H1-2: variants seen among roughly 807,000 people sequenced by gnomAD.
H1-2 encodes H1.2 linker histone, cluster member, also known as histone H1.2.
A neutral mutation model predicts 7.2 loss-of-function variants in H1-2; 7 were observed. That is an observed-to-expected ratio of 0.97 (90% confidence interval 0.55 to 1.82). The LOEUF is 1.82. H1-2 is among the 40% of genes most tolerant of loss of function. The probability of loss-of-function intolerance (pLI) is 0.00; values close to 1 mark genes in which losing one functional copy is unlikely to be tolerated. For missense variants in H1-2, 703 were observed against 276.6 expected, an observed-to-expected ratio of 2.54 and a Z score of -10.94; for synonymous variants, 300 against 118.2, an observed-to-expected ratio of 2.54 and a Z score of -9.98.
chr6:26,056,271 T>G lies in H1-2; in HGVS notation c.158A>C (p.Glu53Ala). 2 of 1,614,188 alleles carry G rather than the reference T, an allele frequency of 1.2e-6. No homozygotes were observed. Among genetic ancestry groups the G allele is most frequent in the Non-Finnish European group, 1.7e-6 (2 of 1,180,040 alleles). ...AGCAGCCAGAGAAACTCCGCTACGC[T>G]CTTTAGAGGCGGCCACAGCCTTGGT... is the stretch of plus-strand genomic sequence containing the variant. Reference protein sequence around the residue: ...LITKAVAASKERSGVSLAALK... With the variant: ...LITKAVAASKARSGVSLAALK... Residue 53 changes from glutamate (E) to alanine (A), a missense_variant, in exon 1 of 1, where the codon GAG becomes GCG. By Grantham distance (107) the Glu-to-Ala change is moderately radical. Transcript: ENST00000343677.
rs150843466 is a variant in H1-2 at position 26,056,021 on chromosome 6, C to A, written c.408G>T (p.Lys136Asn). The A allele has an allele frequency of 1.2e-6, 2 of 1,614,112 alleles. No individual in the cohort carries two copies. Among genetic ancestry groups the A allele is most frequent in the South Asian group, 1.1e-5 (1 of 91,070 alleles). The change falls in exon 1 of 1, where the codon AAG becomes AAT. Residue 136 changes from lysine to asparagine, a missense_variant. Physicochemically the swap from Lys to Asn is moderately conservative, Grantham distance 94 (BLOSUM62 0). Coordinates refer to ENST00000343677, the MANE Select transcript of H1-2 (RefSeq NM_005319.4). ...CGCCGCCAGCCGCCTTCTTGGGCTT[C>A]TTGGCTGCCCCAACTGGCTTCTTAG... ...TKPKKPVGAAKKPKKAAGGAT... is the reference protein window; with the variant it reads ...TKPKKPVGAANKPKKAAGGAT...
chr6:26,056,250 G>C lies in H1-2; in HGVS notation c.179C>G (p.Ala60Gly). The C allele has an allele frequency of 6.2e-7, 1 of 1,614,234 alleles. No individual in the cohort carries two copies. Among genetic ancestry groups the C allele is most frequent in the Non-Finnish European group, 8.5e-7 (1 of 1,180,032 alleles). The change falls in exon 1 of 1, where the codon GCT (alanine) becomes GGT (glycine). Residue 60 changes from alanine (A) to glycine (G), a missense_variant. Physicochemically the swap from Ala to Gly is moderately conservative, Grantham distance 60 (BLOSUM62 0). Coordinates refer to ENST00000343677, the MANE Select transcript of H1-2 (RefSeq NM_005319.4). ...ASKERSGVSL[A>G]ALKKALAAAG... Reference sequence around the variant, plus strand: ...GGCAGCCAACGCTTTTTTCAGAGCAGCCAGAGAAACTCCGCTACGCTCTTT... The same window carrying C: ...GGCAGCCAACGCTTTTTTCAGAGCACCCAGAGAAACTCCGCTACGCTCTTT...
rs753834202 is a variant in H1-2, at chr6:26,056,442, A to T, written c.-14T>A. 2 of 1,556,714 alleles carry T rather than the reference A, an allele frequency of 1.3e-6. No homozygotes were observed. The highest frequency in any genetic ancestry group is 1.2e-5 in the South Asian group (1 of 82,270). On this transcript the variant is annotated 5_prime_UTR_variant, in exon 1 of 1. Coordinates refer to ENST00000343677, the MANE Select transcript of H1-2 (RefSeq NM_005319.4). The stretch of plus-strand genomic sequence containing the variant: ...AGTCTCGGACATGTTGAGAATCAAA[A>T]ACTCGGGTACAAGTGGCAAAGCGCC...
In H1-2 at chr6:26,056,108, G is replaced by T. The variant is rs1485393333; in HGVS notation, c.321C>A (p.Leu107=). The T allele has an allele frequency of 6.2e-7, 1 of 1,614,216 alleles. No individual in the cohort carries two copies. The highest frequency in any genetic ancestry group is 1.7e-5 in the Admixed American group (1 of 60,024). Residue 107 remains leucine (L), a synonymous_variant, in exon 1 of 1, where the codon CTC becomes CTA. Coordinates refer to ENST00000343677, the MANE Select transcript of H1-2 (RefSeq NM_005319.4). The part of the protein sequence containing the change: ...KGTGASGSFK[L]NKKAASGEAK... ...CTTCCCCGGAGGCTGCCTTCTTGTT[G>T]AGTTTAAAGGAGCCAGAAGCACCGG...
In H1-2 at chr6:26,056,112, T is replaced by A. The variant is rs751325528; in HGVS notation, c.317A>T (p.Lys106Ile). 4.3e-6 allele frequency: 7 copies of A among 1,614,086 alleles called. No homozygotes were observed. Among genetic ancestry groups the A allele is most frequent in the Non-Finnish European group, 5.9e-6 (7 of 1,180,038 alleles). Reference sequence around the variant, plus strand: ...CCCGGAGGCTGCCTTCTTGTTGAGTTTAAAGGAGCCAGAAGCACCGGTGCC... The same window carrying A: ...CCCGGAGGCTGCCTTCTTGTTGAGTATAAAGGAGCCAGAAGCACCGGTGCC... ...TKGTGASGSF[K>I]LNKKAASGEA... is the part of the protein sequence containing the mutation. Residue 106 changes from lysine to isoleucine, a missense_variant, in exon 1 of 1, where the codon AAA becomes ATA. Transcript: ENST00000343677.
rs1374161310 is a variant in H1-2, at chr6:26,056,090, G to A, written c.339C>T (p.Ser113=). The A allele has an allele frequency of 3.1e-6, 5 of 1,614,146 alleles. No individual in the cohort carries two copies. The highest frequency in any genetic ancestry group is 2.2e-5 in the East Asian group (1 of 44,872). ...GSFKLNKKAA[S]GEAKPKVKKA... is the part of the protein sequence containing the mutation. ...TTTTAACCTTGGGCTTGGCTTCCCC[G>A]GAGGCTGCCTTCTTGTTGAGTTTAA... Residue 113 remains serine (S), a synonymous_variant, in exon 1 of 1, where the codon TCC becomes TCT. Transcript: ENST00000343677.
rs768437812 is a variant in H1-2, at chr6:26,055,914, T to G, written c.515A>C (p.Lys172Thr). The change falls in exon 1 of 1, where the codon AAG becomes ACG. Residue 172 changes from lysine (K) to threonine (T), a missense_variant. Coordinates refer to ENST00000343677, the MANE Select transcript of H1-2 (RefSeq NM_005319.4). ...AAATVTKKVA[K>T]SPKKAKVAKP... is the part of the protein sequence containing the mutation. ...CGCAACCTTGGCCTTCTTTGGGCTCTTAGCCACTTTCTTGGTTACAGTGGC... is the reference window on the plus strand; with the variant it reads ...CGCAACCTTGGCCTTCTTTGGGCTCGTAGCCACTTTCTTGGTTACAGTGGC... The G allele has an allele frequency of 3.7e-5, 60 of 1,614,102 alleles. No homozygotes were observed. The highest frequency in any genetic ancestry group is 5.1e-5 in the Non-Finnish European group (60 of 1,180,046).
Position 26,056,046 on chromosome 6 carries a change from G to T in H1-2, c.383C>A (p.Pro128His), listed in dbSNP as rs765547166. The change falls in exon 1 of 1, where the codon CCT becomes CAT. Residue 128 changes from proline to histidine, a missense_variant. Transcript: ENST00000343677. ...CTTGGCTGCCCCAACTGGCTTCTTA[G>T]GTTTGGTTCCGCCCGCCTTTTTAAC... ...PKVKKAGGTK[P>H]KKPVGAAKKP... The T allele has an allele frequency of 1.2e-6, 2 of 1,614,148 alleles. No homozygotes were observed. Among genetic ancestry groups the T allele is most frequent in the South Asian group, 1.1e-5 (1 of 91,086 alleles).
At position 26,056,449 on chromosome 6, in the gene H1-2, G is replaced by A. The variant is rs534374342; in HGVS notation, c.-21C>T. 150 of 1,548,680 alleles carry A rather than the reference G, an allele frequency of 9.7e-5. 1 individual carries two copies. In the South Asian group the frequency reaches 1.1e-3, roughly 11 times the overall value. On this transcript the variant is annotated 5_prime_UTR_variant, in exon 1 of 1. Coordinates refer to ENST00000343677, the MANE Select transcript of H1-2 (RefSeq NM_005319.4). ...GACATGTTGAGAATCAAAAACTCGG[G>A]TACAAGTGGCAAAGCGCCGATGAAG...
chr6:26,056,127 G>A lies in H1-2; in HGVS notation c.302C>T (p.Ala101Val), dbSNP rs749726390. 1.1e-5 allele frequency: 17 copies of A among 1,614,230 alleles called. No individual in the cohort carries two copies. Among genetic ancestry groups the A allele is most frequent in the African/African-American group, 5.3e-5 (4 of 75,070 alleles). The change falls in exon 1 of 1, where the codon GCT becomes GTT. Residue 101 changes from alanine (A) to valine (V), a missense_variant. Coordinates refer to ENST00000343677, the MANE Select transcript of H1-2 (RefSeq NM_005319.4). ...GTLVQTKGTGASGSFKLNKKA... is the reference protein window; with the variant it reads ...GTLVQTKGTGVSGSFKLNKKA... ...CTTGTTGAGTTTAAAGGAGCCAGAA[G>A]CACCGGTGCCTTTCGTTTGCACCAG...
Position 26,055,938 on chromosome 6 carries a change from G to A in H1-2, c.491C>T (p.Ala164Val), listed in dbSNP as rs1439122427. Residue 164 changes from alanine to valine, a missense_variant, in exon 1 of 1, where the codon GCC (alanine) becomes GTC (valine). Ala to Val is a moderately conservative substitution (Grantham distance 64, BLOSUM62 0). Coordinates refer to ENST00000343677, the MANE Select transcript of H1-2 (RefSeq NM_005319.4). ...TPKKAKKPAA[A>V]TVTKKVAKSP... is the part of the protein sequence containing the mutation. ...CTTAGCCACTTTCTTGGTTACAGTG[G>A]CCGCGGCCGGCTTCTTCGCTTTCTT... The A allele has an allele frequency of 2.5e-6, 4 of 1,614,034 alleles. No homozygotes were observed. Among genetic ancestry groups the A allele is most frequent in the Non-Finnish European group, 3.4e-6 (4 of 1,180,038 alleles).
In H1-2 at chr6:26,055,921, C is replaced by T. The variant is rs750380165; in HGVS notation, c.508G>A (p.Val170Met). The T allele has an allele frequency of 5.6e-6, 9 of 1,614,060 alleles. No homozygotes were observed. Among genetic ancestry groups the T allele is most frequent in the Non-Finnish European group, 7.6e-6 (9 of 1,180,036 alleles). Residue 170 changes from valine to methionine, a missense_variant, in exon 1 of 1, where the codon GTG becomes ATG. Transcript: ENST00000343677. ...TTGGCCTTCTTTGGGCTCTTAGCCA[C>T]TTTCTTGGTTACAGTGGCCGCGGCC... The part of the protein sequence containing the change: ...KPAAATVTKK[V>M]AKSPKKAKVA...
rs557445427 is a variant in H1-2 at position 26,056,450 on chromosome 6, T to C, written c.-22A>G. On this transcript the variant is annotated 5_prime_UTR_variant, in exon 1 of 1. Coordinates refer to ENST00000343677, the MANE Select transcript of H1-2 (RefSeq NM_005319.4). ...ACATGTTGAGAATCAAAAACTCGGG[T>C]ACAAGTGGCAAAGCGCCGATGAAGC... The C allele has an allele frequency of 9.7e-6, 15 of 1,548,004 alleles. No homozygotes were observed. The highest frequency in any genetic ancestry group is 5.0e-5 in the South Asian group (4 of 80,338).
At position 26,056,366 on chromosome 6, in the gene H1-2, C is replaced by G. The variant is rs370362598; in HGVS notation, c.63G>C (p.Lys21Asn). The change falls in exon 1 of 1, where the codon AAG becomes AAC. Residue 21 changes from lysine (K) to asparagine (N), a missense_variant. Transcript: ENST00000343677. ...CCCCAGCCTTTTTGGCCGCCTTCTT[C>G]TTTACAGGGGCCTTCTCCGCAGGAG... Reference protein sequence around the residue: ...AAPPAEKAPVKKKAAKKAGGT... With the variant: ...AAPPAEKAPVNKKAAKKAGGT... 2 of 1,613,320 alleles carry G rather than the reference C, an allele frequency of 1.2e-6. No homozygotes were observed. Among genetic ancestry groups the G allele is most frequent in the South Asian group, 1.1e-5 (1 of 91,046 alleles).
rs1170914964 is a variant in H1-2, at chr6:26,055,847, C to A, written c.582G>T (p.Lys194Asn). The change falls in exon 1 of 1, where the codon AAG becomes AAT. Residue 194 changes from lysine to asparagine, a missense_variant. Physicochemically the swap from Lys to Asn is moderately conservative, Grantham distance 94 (BLOSUM62 0). Transcript: ENST00000343677. Reference sequence around the variant, plus strand: ...CAACCTTGGGCTTAGCGGCCTTGGGCTTCACAGCCTTAGCAGCACTTTTGG... The same window carrying A: ...CAACCTTGGGCTTAGCGGCCTTGGGATTCACAGCCTTAGCAGCACTTTTGG... ...KAAKSAAKAV[K>N]PKAAKPKVVK... The A allele has an allele frequency of 6.2e-7, 1 of 1,613,810 alleles. No homozygotes were observed. Among genetic ancestry groups the A allele is most frequent in the African/African-American group, 1.3e-5 (1 of 74,908 alleles).
chr6:26,055,967 T>G lies in H1-2; in HGVS notation c.462A>C (p.Thr154=), dbSNP rs1044070. ...GATPKKSAKK[T]PKKAKKPAAA... is the part of the protein sequence containing the mutation. ...CGGCCGGCTTCTTCGCTTTCTTCGG[T>G]GTTTTCTTAGCGCTCTTCTTCGGAG... The change falls in exon 1 of 1, where the codon ACA becomes ACC. Residue 154 remains threonine, a synonymous_variant. Transcript: ENST00000343677. 1.4e-5 allele frequency: 22 copies of G among 1,613,920 alleles called. No homozygotes were observed. Among genetic ancestry groups the G allele is most frequent in the African/African-American group, 8.0e-5 (6 of 74,892 alleles).
Position 26,056,308 on chromosome 6 carries a change from A to C in H1-2, c.121T>G (p.Ser41Ala). Residue 41 changes from serine to alanine, a missense_variant, in exon 1 of 1, where the codon TCA becomes GCA. Ser to Ala is a moderately conservative substitution (Grantham distance 99, BLOSUM62 1). Coordinates refer to ENST00000343677, the MANE Select transcript of H1-2 (RefSeq NM_005319.4). The part of the protein sequence containing the change: ...TPRKASGPPV[S>A]ELITKAVAAS... ...GCCACAGCCTTGGTGATGAGCTCTG[A>C]CACCGGGGGACCAGACGCCTTACGA... 6.2e-7 allele frequency: 1 copy of C among 1,614,070 alleles called. No individual in the cohort carries two copies. The highest frequency in any genetic ancestry group is 8.5e-7 in the Non-Finnish European group (1 of 1,179,934).
In H1-2 at chr6:26,056,361, T is replaced by C; in HGVS notation, c.68A>G (p.Lys23Arg). ...PPAEKAPVKK[K>R]AAKKAGGTPR... ...CGTACCCCCAGCCTTTTTGGCCGCCTTCTTCTTTACAGGGGCCTTCTCCGC... is the reference window on the plus strand; with the variant it reads ...CGTACCCCCAGCCTTTTTGGCCGCCCTCTTCTTTACAGGGGCCTTCTCCGC... The change falls in exon 1 of 1, where the codon AAG becomes AGG. Residue 23 changes from lysine to arginine, a missense_variant. Coordinates refer to ENST00000343677, the MANE Select transcript of H1-2 (RefSeq NM_005319.4). The C allele has an allele frequency of 6.2e-7, 1 of 1,613,286 alleles. No individual in the cohort carries two copies. The highest frequency in any genetic ancestry group is 8.5e-7 in the Non-Finnish European group (1 of 1,179,620).
chr6:26,056,400 G>A lies in H1-2; in HGVS notation c.29C>T (p.Ala10Val), dbSNP rs1561927857. The change falls in exon 1 of 1, where the codon GCT (alanine) becomes GTT (valine). Residue 10 changes from alanine to valine, a missense_variant. Physicochemically the swap from Ala to Val is moderately conservative, Grantham distance 64. Coordinates refer to ENST00000343677, the MANE Select transcript of H1-2 (RefSeq NM_005319.4). Reference protein sequence around the residue: MSETAPAAPAAAPPAEKAPV... With the variant: MSETAPAAPVAAPPAEKAPV... The stretch of plus-strand genomic sequence containing the variant: ...GGCCTTCTCCGCAGGAGGCGCGGCA[G>A]CGGGAGCGGCAGGAGCAGTCTCGGA... 2 of 1,600,358 alleles carry A rather than the reference G, an allele frequency of 1.2e-6. No homozygotes were observed. Among genetic ancestry groups the A allele is most frequent in the South Asian group, 2.2e-5 (2 of 89,802 alleles).
Sources: gnomAD v4.1 joint callset for allele counts on GRCh38, gnomAD v4.1.1 for gene constraint, MANE v1.5 for transcripts, NCBI Gene and HGNC (gene_info 2026-07-23, HGNC 2026-07-21) for gene names.